Variants in SKAP2 observed in about 807,000 individuals in gnomAD.
SKAP2 encodes src kinase associated phosphoprotein 2.
A neutral mutation model predicts 54.9 loss-of-function variants in SKAP2; 28 were observed. That is an observed-to-expected ratio of 0.51 (90% CI 0.38 to 0.70). The LOEUF is 0.70. Ranked by LOEUF, SKAP2 falls within the 30% of genes least tolerant of loss-of-function variation. The pLI, the probability that SKAP2 is intolerant of heterozygous loss-of-function variation, is 0.00. For missense variants in SKAP2, 356 were observed against 424.1 expected (o/e 0.84, Z 1.41); for synonymous variants, 137 against 134.3 (o/e 1.02, Z -0.14).
intron 3 of SKAP2, among the ~76,000 whole-genome samples, chr7:26,852,906 G>T (rs1265681606): frequency 6.6e-6 from 1 of 151,954 alleles, no homozygotes; most frequent in Non-Finnish European, 1.5e-5. Flanking sequence ...CATAATAAAA[G>T]TTATCGTAAT....
In SKAP2 at chr7:26,864,527, G is replaced by A. The variant is rs536387131; in HGVS notation, c.-98C>T. On this transcript the variant is annotated 5_prime_UTR_variant, in exon 1 of 13. Transcript: ENST00000345317. The stretch of plus-strand genomic sequence containing the variant: ...CGACCTAGACTCAGGCTAGCGGCCC[G>A]GATTAAGAACAGCGGGGCTACGAGT... 166 of 1,485,068 alleles carry A rather than the reference G, an allele frequency of 1.1e-4. No homozygotes were observed. The highest frequency in any genetic ancestry group is 9.7e-4 in the Middle Eastern group (4 of 4,136). The allele number at this position is 1,485,068 out of a possible 1,614,324, so 92.0% of individuals were successfully genotyped here. A position where few individuals can be genotyped will look rare whatever the true frequency, so the allele number is the denominator to read the frequency against.
intron 1 of SKAP2, 167 bp from the exon 2 acceptor site, chr7:26,855,057 A>AACTT (rs1584429129): frequency 2.1e-6 from 1 of 480,628 alleles, no homozygotes; most frequent in East Asian, 3.5e-5. Flanking sequence ...TTCAAATACT[A>AACTT]AGTTGAACAA....
At chr7:26,755,496 G>A (rs17313134) in intron 4 of SKAP2, among the ~76,000 whole-genome samples, 11,701 of 152,136 alleles carry the variant, frequency 0.077, 577 homozygotes, top group Middle Eastern at 0.16. Flanking sequence ...TAGAAAAACA[G>A]GTAAAGGATA....
chr7:26,666,776 A>C (rs1786111847), downstream of SKAP2, among the ~76,000 whole-genome samples: 1 of 152,098 alleles, frequency 6.6e-6, no homozygotes, highest in African/African-American at 2.4e-5. Context: ...TTTTCTATGA[A>C]AGAAAGTGTC....
At chr7:26,736,954 T>C (rs1787956787) in intron 6 of SKAP2, among the ~76,000 whole-genome samples, 1 of 151,758 alleles carries the variant, frequency 6.6e-6, no homozygotes, top group Non-Finnish European at 1.5e-5. Flanking sequence ...CTAACTAAAA[T>C]GTTTTCATTG....
At chr7:26,849,151 T>C (rs974629461) in intron 3 of SKAP2, among the ~76,000 whole-genome samples, 10 of 152,224 alleles carry the variant, frequency 6.6e-5, no homozygotes, top group African/African-American at 9.6e-5. Flanking sequence ...CATCCAAACT[T>C]CAGACTTTTC....
intron 9 of SKAP2, among the ~76,000 whole-genome samples, chr7:26,703,530 A>G (rs1464850430): frequency 1.3e-5 from 2 of 152,232 alleles, no homozygotes; most frequent in Non-Finnish European, 2.9e-5. Context: ...TAAATGCAAT[A>G]TAATTTGTAG....
intron 11 of SKAP2, among the ~76,000 whole-genome samples, chr7:26,679,013 C>T (rs996135998): frequency 6.6e-6 from 1 of 152,134 alleles, no homozygotes; most frequent in Non-Finnish European, 1.5e-5. Context: ...AAAATATCAA[C>T]GTAGTGCTTT....
rs57626647 is a variant in SKAP2, at chr7:26,750,074, G to T, written c.308-10110C>A. 5.7e-3 allele frequency among the ~76,000 whole-genome samples: 861 copies of T among 151,964 alleles called. 9 individuals carry two copies. The highest frequency in any genetic ancestry group is 0.019 in the African/African-American group (790 of 41,450). On this transcript the variant is annotated intron_variant, in intron 4 of 12. Transcript: ENST00000345317. ...GATAACACACAATAAGTGGAGCAAG[G>T]ACCTTAAGTCTACTTGCCCAGAAGC... is the stretch of plus-strand genomic sequence containing the variant.
At chr7:26,838,631 C>T (rs555438620) in intron 4 of SKAP2, among the ~76,000 whole-genome samples, 1 of 152,270 alleles carries the variant, frequency 6.6e-6, no homozygotes, top group Non-Finnish European at 1.5e-5. Context: ...ATAAAACTCA[C>T]TTAAATAAAA....
At chr7:26,786,108 C>T (rs915798442) in intron 4 of SKAP2, among the ~76,000 whole-genome samples, 2 of 152,192 alleles carry the variant, frequency 1.3e-5, no homozygotes, top group South Asian at 4.1e-4. Context: ...TACAGGGGCT[C>T]CTCTTGTCTG....
chr7:26,732,863 G>C (rs1322916387), intron 6 of SKAP2, among the ~76,000 whole-genome samples: 1 of 152,174 alleles, frequency 6.6e-6, no homozygotes, highest in Non-Finnish European at 1.5e-5. Context: ...CAGACCCTTA[G>C]TAAAACTTGG....
chr7:26,692,805 C>T lies in SKAP2; in HGVS notation c.797-2443G>A, dbSNP rs921731458. Reference sequence around the variant, plus strand: ...TATAAATTTTTAAAGGTAGAAGGAACGTTTACAGTCATTATTCCAACCTAC... The same window carrying T: ...TATAAATTTTTAAAGGTAGAAGGAATGTTTACAGTCATTATTCCAACCTAC... On this transcript the variant is annotated intron_variant, in intron 9 of 12. Transcript: ENST00000345317. Among the ~76,000 whole-genome samples the T allele has an allele frequency of 3.9e-5, 6 of 152,082 alleles. No individual in the cohort carries two copies. In the East Asian group the frequency reaches 5.8e-4, roughly 15 times the overall value.
chr7:26,725,229 A>G (rs2127955708), intron 9 of SKAP2, among the ~76,000 whole-genome samples, 199 bp downstream of exon 9: 1 of 152,242 alleles, frequency 6.6e-6, no homozygotes, highest in Middle Eastern at 3.4e-3. Flanking sequence ...CGTAAGTTAC[A>G]TCTACTCACT....
chr7:26,856,200 A>C (rs1380800176), intron 1 of SKAP2, among the ~76,000 whole-genome samples: 2 of 152,176 alleles, frequency 1.3e-5, no homozygotes, highest in Non-Finnish European at 2.9e-5. Context: ...ATTTAAAAAA[A>C]ATAGCTTATG....
At chr7:26,659,661 C>T in the SKAP2 span, among the ~76,000 whole-genome samples, 1 of 152,040 alleles carries the variant, frequency 6.6e-6, no homozygotes, top group South Asian at 2.1e-4. Flanking sequence ...AGAAGACATA[C>T]AGTATTAGGA....
chr7:26,857,504 T>C (rs1785195309), intron 1 of SKAP2: 5 of 985,322 alleles, frequency 5.1e-6, no homozygotes, highest in Non-Finnish European at 6.0e-6. Flanking sequence ...AGGAGACTCC[T>C]AGACGTGCCG....
intron 4 of SKAP2, among the ~76,000 whole-genome samples, chr7:26,783,849 G>A (rs183655977): frequency 3.3e-5 from 5 of 152,008 alleles, no homozygotes; most frequent in Non-Finnish European, 5.9e-5. Context: ...GCTAAATGAC[G>A]AGTTAAGGGG....
intron 4 of SKAP2, among the ~76,000 whole-genome samples, chr7:26,787,138 T>A (rs10267950): frequency 0.21 from 32,441 of 152,116 alleles, 3,549 homozygotes; most frequent in Non-Finnish European, 0.24. Context: ...ACTTCAGAAT[T>A]TTGCTCTTAT....
Sources: allele counts gnomAD v4.1 joint callset (sites outside exome capture counted in the v4.1 genomes callset), GRCh38; gene constraint gnomAD v4.1.1; transcripts MANE v1.5; gene names NCBI Gene and HGNC (gene_info 2026-07-23, HGNC 2026-07-21).